Variants in C11orf65 observed in about 807,000 individuals in gnomAD.
C11orf65 encodes protein MFI.
Under a neutral mutation model 35.3 loss-of-function variants are expected in C11orf65, and 38 were observed. That is an observed-to-expected ratio of 1.08 (90% CI 0.83 to 1.41). The LOEUF (loss-of-function observed/expected upper bound fraction) is 1.41. Among genes scored for constraint, C11orf65 ranks in the 40% most tolerant of loss-of-function variants. The probability of loss-of-function intolerance (pLI) is 0.00; values close to 1 mark genes in which losing one functional copy is unlikely to be tolerated. For synonymous variants in C11orf65, 105 were observed against 114.4 expected (o/e 0.92, Z 0.53); for missense variants, 370 against 367.1 (o/e 1.01, Z -0.06).
At chr11:108,442,342 C>G (rs148575065) in intron 2 of C11orf65, among the ~76,000 whole-genome samples, 1 of 152,112 alleles carries the variant, frequency 6.6e-6, no homozygotes, top group Non-Finnish European at 1.5e-5. Context: ...ATGAAACTTA[C>G]GTCTGATTGG....
downstream of C11orf65, chr11:108,327,454 A>G: frequency 1.8e-6 from 1 of 549,526 alleles, no homozygotes; most frequent in Non-Finnish European, 3.3e-6. Context: ...ATAATAATAA[A>G]CAGAGGATGA....
chr11:108,427,585 G>A (rs1341292518), intron 3 of C11orf65, among the ~76,000 whole-genome samples: 1 of 149,452 alleles, frequency 6.7e-6, no homozygotes, highest in Non-Finnish European at 1.5e-5. Context: ...AGCCGGGCAT[G>A]GTGGCGCGCG....
chr11:108,370,009 C>CTCT (rs1426890398), intron 2 of C11orf65, among the ~76,000 whole-genome samples: 4 of 152,096 alleles, frequency 2.6e-5, no homozygotes, highest in African/African-American at 9.7e-5. Context: ...TGTAGCTTGT[C>CTCT]TCTTCATTCT....
intron 3 of C11orf65, among the ~76,000 whole-genome samples, chr11:108,422,514 C>T (rs555503547): frequency 3.0e-4 from 45 of 152,108 alleles, no homozygotes; most frequent in African/African-American, 8.9e-4. Context: ...AAGGTGGCAC[C>T]GCAGAGCAGT....
intron 6 of C11orf65, among the ~76,000 whole-genome samples, chr11:108,320,302 T>C (rs544954822): frequency 1.6e-4 from 24 of 152,360 alleles, no homozygotes; most frequent in Non-Finnish European, 3.1e-4. Flanking sequence ...CTTTGTTCTC[T>C]TCCTATACAA....
At chr11:108,398,401 G>A (rs1480229179) in intron 6 of C11orf65, among the ~76,000 whole-genome samples, 1 of 152,186 alleles carries the variant, frequency 6.6e-6, no homozygotes, top group Non-Finnish European at 1.5e-5. Flanking sequence ...TAAATGCAGT[G>A]TCATAAGCTG....
intron 7 of C11orf65, among the ~76,000 whole-genome samples, chr11:108,388,078 C>T (rs1168212105): frequency 6.6e-6 from 1 of 152,174 alleles, no homozygotes; most frequent in Non-Finnish European, 1.5e-5. Context: ...CTCAGGAGCA[C>T]TATAAAGAGT....
At chr11:108,391,442 C>T (rs1310807534) in intron 7 of C11orf65, among the ~76,000 whole-genome samples, 2 of 152,108 alleles carry the variant, frequency 1.3e-5, no homozygotes, top group African/African-American at 4.8e-5. Context: ...TGCAATGGCA[C>T]GATCTCAGCT....
At chr11:108,457,925 G>C (rs2093427235) in intron 2 of C11orf65, among the ~76,000 whole-genome samples, 1 of 151,934 alleles carries the variant, frequency 6.6e-6, no homozygotes, top group Non-Finnish European at 1.5e-5. Context: ...GCTGTGTCTA[G>C]AATCAAGAGC....
At chr11:108,354,878 A>T in intron 2 of C11orf65, 1 of 1,610,328 alleles carries the variant, frequency 6.2e-7, no homozygotes, top group Non-Finnish European at 8.5e-7. Flanking sequence ...TGTAGAGGTA[A>T]AGTATTTTAT....
At chr11:108,357,120 T>G (rs949318295) in intron 2 of C11orf65, among the ~76,000 whole-genome samples, 1 of 152,178 alleles carries the variant, frequency 6.6e-6, no homozygotes, top group African/African-American at 2.4e-5. Context: ...GGGCAAGGCA[T>G]TGCCTCACTT....
At chr11:108,348,430 TAAGA>T (rs986139764) in intron 2 of C11orf65, among the ~76,000 whole-genome samples, 13 of 150,838 alleles carry the variant, frequency 8.6e-5, no homozygotes, top group African/African-American at 1.5e-4. Flanking sequence ...GTTTAATATA[TAAGA>T]AAGAAAGAAT....
chr11:108,433,422 CA>C (rs1308623958), intron 2 of C11orf65, among the ~76,000 whole-genome samples: 3 of 151,160 alleles, frequency 2.0e-5, no homozygotes, highest in African/African-American at 2.4e-5. Flanking sequence ...ACTAAAAATA[CA>C]AAAAAAATTA....
chr11:108,363,098 A>G (rs940846097), intron 2 of C11orf65, among the ~76,000 whole-genome samples: 2 of 152,170 alleles, frequency 1.3e-5, no homozygotes, highest in African/African-American at 2.4e-5. Flanking sequence ...GATTGTTCCA[A>G]TCTTCAAGAA....
At chr11:108,308,953 G>A (rs2083903331) in exon 7 of C11orf65, 1 of 1,448,572 alleles carries the variant, frequency 6.9e-7, no homozygotes, top group Non-Finnish European at 9.4e-7. Flanking sequence ...TTTTACCTTT[G>A]AGTCATTCAT....
At chr11:108,359,594 A>C (rs1360975599) in intron 2 of C11orf65, among the ~76,000 whole-genome samples, 6 of 152,190 alleles carry the variant, frequency 3.9e-5, no homozygotes, top group East Asian at 1.9e-4. Context: ...ATAACAAACT[A>C]TCTCTCAGAC....
intron 2 of C11orf65, among the ~76,000 whole-genome samples, chr11:108,339,101 G>T (rs548821892): frequency 3.3e-5 from 5 of 152,162 alleles, no homozygotes; most frequent in African/African-American, 1.2e-4. Context: ...AGATGGAAAT[G>T]AAGACAGTTC....
rs571506231 is a variant in C11orf65 at position 108,417,825 on chromosome 11, G to C, written c.175-10676C>G. Among the ~76,000 whole-genome samples the C allele has an allele frequency of 5.3e-5, 8 of 152,148 alleles. No individual in the cohort carries two copies. In the East Asian group the frequency reaches 1.5e-3, roughly 29 times the overall value. ...GAGAAATACCTAATGTAGATGATGG[G>C]TTGATGAGTGCAGCAAACCACCATG... On this transcript the variant is annotated intron_variant, in intron 3 of 8. Transcript: ENST00000393084.
At chr11:108,328,537 C>T (rs4988119), downstream of C11orf65, among the ~76,000 whole-genome samples, 391 of 152,334 alleles carry the variant, frequency 2.6e-3, 2 homozygotes, top group African/African-American at 9.1e-3. Flanking sequence ...TGAGCCACCA[C>T]ACCCAGCCTG....
Sources: gnomAD v4.1 joint callset for allele counts (sites outside exome capture counted in the v4.1 genomes callset) on GRCh38, gnomAD v4.1.1 for gene constraint, MANE v1.5 for transcripts, NCBI Gene and HGNC (gene_info 2026-07-23, HGNC 2026-07-21) for gene names.